CHST15: variants seen among roughly 807,000 people sequenced by gnomAD.
CHST15 encodes the protein carbohydrate sulfotransferase 15.
Under a neutral mutation model 53.6 loss-of-function variants are expected in CHST15, and 30 were observed. That is an observed-to-expected ratio of 0.56 (90% CI 0.42 to 0.76). CHST15 has a LOEUF of 0.76. CHST15 is among the 30% of genes least tolerant of loss of function. The pLI is 0.00. For synonymous variants in CHST15, 296 were observed against 289.8 expected, an observed-to-expected ratio of 1.02 and a Z score of -0.22; for missense variants, 627 against 740.5, an observed-to-expected ratio of 0.85 and a Z score of 1.78.
At chr10:124,071,704 A>G (rs550958929) in intron 1 of CHST15, among the ~76,000 whole-genome samples, 1 of 152,346 alleles carries the variant, frequency 6.6e-6, no homozygotes, top group East Asian at 1.9e-4. Flanking sequence ...TTTCATCTGA[A>G]GTACCTGAGC....
At chr10:124,053,613 T>C (rs1465851859) in intron 1 of CHST15, among the ~76,000 whole-genome samples, 3 of 151,140 alleles carry the variant, frequency 2.0e-5, no homozygotes, top group African/African-American at 7.3e-5. Flanking sequence ...CAGCAGCCGA[T>C]AGGCCAATGT....
At chr10:124,077,720 T>C (rs941404454) in intron 1 of CHST15, among the ~76,000 whole-genome samples, 1 of 152,210 alleles carries the variant, frequency 6.6e-6, no homozygotes, top group African/African-American at 2.4e-5. Context: ...TATATGCTGA[T>C]AATGCCCTCG....
intron 1 of CHST15, among the ~76,000 whole-genome samples, chr10:124,089,734 C>A (rs964727716): frequency 4.6e-5 from 7 of 152,164 alleles, no homozygotes; most frequent in African/African-American, 1.7e-4. Context: ...TGCTCCCAAG[C>A]CTTGCTTTGC....
chr10:124,090,290 C>G (rs76869337), intron 1 of CHST15, among the ~76,000 whole-genome samples: 1 of 152,330 alleles, frequency 6.6e-6, no homozygotes, highest in East Asian at 1.9e-4. Context: ...TGTTTTCCCC[C>G]CAACTGGCTG....
In CHST15 at chr10:124,012,777, G is replaced by C. The variant is rs375853121; in HGVS notation, c.1348-297C>G. On this transcript the variant is annotated intron_variant, in intron 6 of 7. Transcript: ENST00000435907. ...AGTGCAGGGAAGAGGTCAAGGTTGTGGCCACCAATGGTGTACATGTTCCTC... is the reference window on the plus strand; with the variant it reads ...AGTGCAGGGAAGAGGTCAAGGTTGTCGCCACCAATGGTGTACATGTTCCTC... 3.3e-5 allele frequency among the ~76,000 whole-genome samples: 5 copies of C among 152,298 alleles called. No homozygotes were observed. The East Asian group carries it at 9.7e-4, about 29-fold the overall frequency.
At chr10:124,062,349 A>C (rs370646914) in intron 1 of CHST15, among the ~76,000 whole-genome samples, 1 of 152,198 alleles carries the variant, frequency 6.6e-6, no homozygotes, top group East Asian at 1.9e-4. Context: ...GGAAAGAGAA[A>C]CATGGCGGGG....
intron 1 of CHST15, among the ~76,000 whole-genome samples, chr10:124,057,971 T>TC (rs11341656): frequency 4.6e-5 from 7 of 151,978 alleles, no homozygotes; most frequent in South Asian, 2.1e-4. Flanking sequence ...GCTGCAGTTC[T>TC]CCCCCCCAAT....
At chr10:124,017,872 G>T (rs1016774980) in intron 6 of CHST15, among the ~76,000 whole-genome samples, 3 of 152,192 alleles carry the variant, frequency 2.0e-5, no homozygotes, top group Non-Finnish European at 4.4e-5. Flanking sequence ...CTTCCCATCC[G>T]TACTCTGACC....
At chr10:124,020,037 G>C (rs1450544941) in intron 6 of CHST15, 2 of 985,706 alleles carry the variant, frequency 2.0e-6, no homozygotes, top group Admixed American at 6.2e-5. Context: ...CTGGTGGCCA[G>C]AGCTCCCTGC....
At chr10:124,072,082 TA>T (rs1948934071) in intron 1 of CHST15, among the ~76,000 whole-genome samples, 1 of 152,212 alleles carries the variant, frequency 6.6e-6, no homozygotes, top group Admixed American at 6.5e-5. Flanking sequence ...AAAACTCACC[TA>T]AGGCATTTGT....
In CHST15 at chr10:124,046,187, A is replaced by G. The variant is rs778153454; in HGVS notation, c.26T>C (p.Ile9Thr). The change falls in exon 2 of 8, where the codon ATA (isoleucine) becomes ACA (threonine). Residue 9 changes from isoleucine to threonine, a missense_variant. By Grantham distance (89) the Ile-to-Thr change is moderately conservative. This residue lies in a region of CHST15 where 187 missense variants were observed against 251.8 expected (regional missense o/e 0.74). Transcript: ENST00000435907. ...GTGTGCGCCGTCGGGTAACAGCTGT[A>G]TGCAGCAATTAATGCAGTGCCTCAT... MRHCINCC[I>T]QLLPDGAHKQ... The G allele has an allele frequency of 3.1e-6, 5 of 1,610,826 alleles. No individual in the cohort carries two copies. The highest frequency in any genetic ancestry group is 3.4e-6 in the Non-Finnish European group (4 of 1,178,222).
intron 1 of CHST15, among the ~76,000 whole-genome samples, chr10:124,075,827 T>C (rs1333867809): frequency 6.6e-6 from 1 of 151,532 alleles, no homozygotes; most frequent in Non-Finnish European, 1.5e-5. Flanking sequence ...GAACAAAGAG[T>C]CAGCACAAAG....
intron 5 of CHST15, among the ~76,000 whole-genome samples, chr10:124,032,580 A>C (rs1168762482): frequency 6.6e-6 from 1 of 152,238 alleles, no homozygotes; most frequent in East Asian, 1.9e-4. Flanking sequence ...GCATTTGAAA[A>C]GAATAGTCTT....
chr10:124,046,315 G>T lies in CHST15; in HGVS notation c.-103C>A. ...TGCTAGAAAACCTTAAGAATGCCTT[G>T]TGATCACAGAAGATGGATGGAAAGC... On this transcript the variant is annotated 5_prime_UTR_variant, in exon 2 of 8. Coordinates refer to ENST00000435907, the MANE Select transcript of CHST15 (RefSeq NM_001270764.2). 9.2e-7 allele frequency: 1 copy of T among 1,089,634 alleles called. No homozygotes were observed. The highest frequency in any genetic ancestry group is 1.3e-6 in the Non-Finnish European group (1 of 768,198). The allele number at this position is 1,089,634 out of a possible 1,614,324, so 67.5% of individuals were successfully genotyped here.
At chr10:124,022,286 G>T (rs777594139) in intron 5 of CHST15, among the ~76,000 whole-genome samples, 1 of 152,224 alleles carries the variant, frequency 6.6e-6, no homozygotes, top group Non-Finnish European at 1.5e-5. Context: ...TAGGTGCCAC[G>T]TAATTGAACT....
At chr10:124,092,102 C>G (rs984548986) in intron 1 of CHST15, among the ~76,000 whole-genome samples, 2 of 152,240 alleles carry the variant, frequency 1.3e-5, no homozygotes, top group Non-Finnish European at 2.9e-5. Context: ...AGGCAAGGTT[C>G]CCTTCGCCCC....
In CHST15 at chr10:124,038,097, G is replaced by T. The variant is rs1484056286; in HGVS notation, c.1190+418C>A. Among the ~76,000 whole-genome samples, 3 of 149,620 alleles carry T rather than the reference G, an allele frequency of 2.0e-5. No individual in the cohort carries two copies. The Admixed American group carries it at 2.0e-4, about 10-fold the overall frequency. On this transcript the variant is annotated intron_variant, in intron 5 of 7. Transcript: ENST00000435907. ...TTGCAAGTTCCGTTTATTTTTGTTT[G>T]TTTTTATTTTATTTTATTTTTTTTT...
At chr10:124,081,096 C>T (rs778993953) in intron 1 of CHST15, among the ~76,000 whole-genome samples, 9 of 152,176 alleles carry the variant, frequency 5.9e-5, no homozygotes, top group Non-Finnish European at 1.2e-4. Flanking sequence ...ACCACTGCTA[C>T]CAAGTGATGA....
At chr10:124,062,618 C>T (rs1387355796) in intron 1 of CHST15, among the ~76,000 whole-genome samples, 1 of 152,166 alleles carries the variant, frequency 6.6e-6, no homozygotes, top group Non-Finnish European at 1.5e-5. Context: ...CAACCACCAC[C>T]ACCAGCAGCC....
Sources: allele counts gnomAD v4.1 joint callset (sites outside exome capture counted in the v4.1 genomes callset), GRCh38; gene constraint gnomAD v4.1.1; regional missense constraint gnomAD v4.1.1; transcripts MANE v1.5; gene names NCBI Gene and HGNC (gene_info 2026-07-23, HGNC 2026-07-21).